VPS13C: variants seen among roughly 807,000 people sequenced by gnomAD.
VPS13C encodes the protein vacuolar protein sorting 13 homolog C, also known as intermembrane lipid transfer protein VPS13C.
A neutral mutation model predicts 456.8 loss-of-function variants in VPS13C; 358 were observed. That is an observed-to-expected ratio of 0.78 (90% CI 0.72 to 0.86). VPS13C has a LOEUF of 0.86. VPS13C is among the 40% of genes least tolerant of loss of function. VPS13C has a pLI of 0.00. For synonymous variants in VPS13C, 1,578 were observed against 1,486.7 expected (o/e 1.06, Z -1.41); for missense variants, 4,818 against 4,385.4 (o/e 1.10, Z -2.79).
chr15:62,008,862 G>C (rs1028049865), intron 13 of VPS13C, 101 bp from the exon 14 acceptor site: 17 of 553,274 alleles, frequency 3.1e-5, no homozygotes, highest in Non-Finnish European at 4.8e-5. Flanking sequence ...CAAATACCCT[G>C]AACAATGTTG....
intron 3 of VPS13C, among the ~76,000 whole-genome samples, 186 bp downstream of exon 3, chr15:62,041,137 TA>T (rs35028366): frequency 4.8e-4 from 73 of 151,808 alleles, no homozygotes; most frequent in African/African-American, 1.4e-3. Flanking sequence ...CCTTTTGTCA[TA>T]AAAAAAAGAA....
chr15:62,005,639 T>C (rs1446588740), intron 15 of VPS13C, among the ~76,000 whole-genome samples: 2 of 152,122 alleles, frequency 1.3e-5, no homozygotes, highest in Non-Finnish European at 2.9e-5. Flanking sequence ...TTGGCATGAT[T>C]TTGCAGCGGC....
In VPS13C at chr15:61,922,008, G is replaced by C. The variant is rs2043673703; in HGVS notation, c.7001C>G (p.Ala2334Gly). 1 of 1,613,394 alleles carries C rather than the reference G, an allele frequency of 6.2e-7. No individual in the cohort carries two copies. Among genetic ancestry groups the C allele is most frequent in the African/African-American group, 1.3e-5 (1 of 74,912 alleles). ...LQVHYYNEIHAVWEPLIERVE... is the reference protein window; with the variant it reads ...LQVHYYNEIHGVWEPLIERVE... ...TCTCTCAATCAGTGGCTCCCAGACA[G>C]CATGGATCTCATTGTAATAGTGCAC... The change falls in exon 55 of 85, where the codon GCT becomes GGT. Residue 2334 changes from alanine to glycine, a missense_variant. Ala to Gly is a moderately conservative substitution (Grantham distance 60, BLOSUM62 0). Transcript: ENST00000644861.
chr15:62,045,951 T>A (rs1454350159), intron 1 of VPS13C, among the ~76,000 whole-genome samples: 3 of 152,180 alleles, frequency 2.0e-5, no homozygotes, highest in Non-Finnish European at 4.4e-5. Flanking sequence ...AGTATCTATA[T>A]ATGCACAAGT....
chr15:61,957,538 T>C (rs951366390), intron 37 of VPS13C, among the ~76,000 whole-genome samples: 1 of 152,126 alleles, frequency 6.6e-6, no homozygotes, highest in Non-Finnish European at 1.5e-5. Context: ...AATTTTTTAA[T>C]GTGATAATAT....
intron 3 of VPS13C, among the ~76,000 whole-genome samples, chr15:62,038,145 G>C (rs2048126008): frequency 6.6e-6 from 1 of 152,106 alleles, no homozygotes; most frequent in Non-Finnish European, 1.5e-5. Context: ...ATTTTTTAAA[G>C]TAAATCCTAA....
intron 82 of VPS13C, 118 bp downstream of exon 82, chr15:61,863,322 A>C (rs1469982434): frequency 1.5e-6 from 1 of 675,620 alleles, no homozygotes; most frequent in African/African-American, 1.8e-5. Flanking sequence ...ACATTTTGCC[A>C]TTCACTTTGG....
rs544119292 is a variant in VPS13C, at chr15:61,865,478, A to G, written c.10864-1950T>C. 4.5e-4 allele frequency: 441 copies of G among 984,270 alleles called. 1 individual carries two copies. Among genetic ancestry groups the G allele is most frequent in the Non-Finnish European group, 5.0e-4 (414 of 829,022 alleles). 61.0% of individuals were successfully genotyped at this position (984,270 alleles called of 1,614,324 possible). Reference sequence around the variant, plus strand: ...ATGCTGTTTTAAACGTTGCATGATCATAAGTATGTGAACCAAAATGAGTAT... The same window carrying G: ...ATGCTGTTTTAAACGTTGCATGATCGTAAGTATGTGAACCAAAATGAGTAT... On this transcript the variant is annotated intron_variant, in intron 81 of 84. Transcript: ENST00000644861.
intron 3 of VPS13C, among the ~76,000 whole-genome samples, chr15:62,039,582 C>A (rs1445356365): frequency 6.6e-6 from 1 of 152,082 alleles, no homozygotes; most frequent in African/African-American, 2.4e-5. Flanking sequence ...AGAAGACATA[C>A]AAATGGCAAA....
chr15:62,037,418 T>C (rs2048091932), intron 3 of VPS13C, among the ~76,000 whole-genome samples: 1 of 76,114 alleles, frequency 1.3e-5, no homozygotes, highest in Admixed American at 2.0e-4. Flanking sequence ...ATATATAATA[T>C]GTTATATATA....
At chr15:62,012,020 T>C in intron 12 of VPS13C, 87 bp downstream of exon 12, 1 of 813,768 alleles carries the variant, frequency 1.2e-6, no homozygotes, top group Non-Finnish European at 2.0e-6. Context: ...TTTGACTAAG[T>C]AAGTTTATCA....
Position 62,037,337 on chromosome 15 carries a change from TA to T in VPS13C, c.188-2286del, listed in dbSNP as rs1567137103. Among the ~76,000 whole-genome samples the T allele has an allele frequency of 6.8e-4, 61 of 89,580 alleles. 10 individuals are homozygous for T. Among genetic ancestry groups the T allele is most frequent in the Middle Eastern group, 6.0e-3 (1 of 168 alleles). The allele number at this position is 89,580 out of a possible 152,430, so 58.8% of individuals were successfully genotyped here. On this transcript the variant is annotated intron_variant, in intron 3 of 84. Transcript: ENST00000644861. Reference sequence around the variant, plus strand: ...ATATATTATATATTATATACATTTATATATAATATATTATATATAAATGTAT... The same window carrying T: ...ATATATTATATATTATATACATTTATTATAATATATTATATATAAATGTAT...
chr15:61,857,774 CTGAGAAGGGGGAAGAAAGGGCTAGAT>C (rs1453265637), intron 82 of VPS13C, among the ~76,000 whole-genome samples: 1 of 152,072 alleles, frequency 6.6e-6, no homozygotes, highest in Non-Finnish European at 1.5e-5. Context: ...GGCAGTGGCT[CTGAGAAGGGGGAAGAAAGGGCTAGAT>C]TGAGATGTTT....
intron 15 of VPS13C, among the ~76,000 whole-genome samples, chr15:62,005,618 G>C (rs938933205): frequency 1.3e-4 from 19 of 151,822 alleles, no homozygotes; most frequent in Non-Finnish European, 2.1e-4. Context: ...AGTCTCGATG[G>C]TCTTTACATT....
At chr15:61,916,163 C>G (rs1441255976) in intron 60 of VPS13C, 141 bp from the exon 61 acceptor site, 2 of 1,016,188 alleles carry the variant, frequency 2.0e-6, no homozygotes, top group Non-Finnish European at 1.4e-6. Context: ...TTACATATTA[C>G]AAATGTCCAG....
At chr15:61,893,417 GT>G (rs2042711867) in intron 66 of VPS13C, among the ~76,000 whole-genome samples, 1 of 151,854 alleles carries the variant, frequency 6.6e-6, no homozygotes, top group South Asian at 2.1e-4. Flanking sequence ...GAGAGATAAA[GT>G]TTTTATCAGA....
At chr15:61,862,852 A>G (rs1336383666) in intron 82 of VPS13C, among the ~76,000 whole-genome samples, 2 of 152,166 alleles carry the variant, frequency 1.3e-5, no homozygotes. Flanking sequence ...TTACTCTTAT[A>G]AAGCTCAACA....
Position 61,920,515 on chromosome 15 carries a change from A to C in VPS13C, c.7195T>G (p.Phe2399Val). ...AGACATACTTTTGCTAAATTGTTGAAAACATTAAGACAACTTTTGGATATT... is the reference window on the plus strand; with the variant it reads ...AGACATACTTTTGCTAAATTGTTGACAACATTAAGACAACTTTTGGATATT... ...ITISKSCLNV[F>V]NNLAKGFSEG... The change falls in exon 56 of 85, where the codon TTC becomes GTC. Residue 2399 changes from phenylalanine (F) to valine (V), a missense_variant. Transcript: ENST00000644861. 1 of 1,537,634 alleles carries C rather than the reference A, an allele frequency of 6.5e-7. No homozygotes were observed.
In VPS13C at chr15:61,875,791, A is replaced by G. The variant is rs775841361; in HGVS notation, c.10279T>C (p.Phe3427Leu). Reference sequence around the variant, plus strand: ...TCAGACAGACCTCTAATTAATCCAAATGGGTTTCCAAGTACATCTAACCCC... The same window carrying G: ...TCAGACAGACCTCTAATTAATCCAAGTGGGTTTCCAAGTACATCTAACCCC... ...VLGLDVLGNPFGLIRGLSEGV... is the reference protein window; with the variant it reads ...VLGLDVLGNPLGLIRGLSEGV... Residue 3427 changes from phenylalanine (F) to leucine (L), a missense_variant, in exon 76 of 85, where the codon TTT becomes CTT. Phe to Leu is a conservative substitution (Grantham distance 22). Transcript: ENST00000644861. The G allele has an allele frequency of 6.2e-7, 1 of 1,608,732 alleles. No individual in the cohort carries two copies. Among genetic ancestry groups the G allele is most frequent in the Non-Finnish European group, 8.5e-7 (1 of 1,178,134 alleles).
Sources: allele counts gnomAD v4.1 joint callset (sites outside exome capture counted in the v4.1 genomes callset), GRCh38; gene constraint gnomAD v4.1.1; transcripts MANE v1.5; gene names NCBI Gene and HGNC (gene_info 2026-07-23, HGNC 2026-07-21).